C3orf20: variants seen among roughly 807,000 people sequenced by gnomAD.
C3orf20 encodes the protein uncharacterized protein C3orf20.
A neutral mutation model predicts 88.3 loss-of-function variants in C3orf20; 76 were observed. The observed-to-expected ratio is 0.86, with a 90% CI of 0.72 to 1.04. The LOEUF is 1.04. Among genes scored for constraint, C3orf20 ranks in the 50% least tolerant of loss-of-function variants. The probability of loss-of-function intolerance (pLI) is 0.00; values close to 1 mark genes in which losing one functional copy is unlikely to be tolerated. For synonymous variants in C3orf20, 436 were observed against 437.4 expected (o/e 1.00, Z 0.04); for missense variants, 1,056 against 1,123.3 (o/e 0.94, Z 0.86).
Position 14,772,826 on chromosome 3 carries a change from G to C in C3orf20, c.2666G>C (p.Ser889Thr). The change falls in exon 17 of 17, where the codon AGC (serine) becomes ACC (threonine). Residue 889 changes from serine to threonine, a missense_variant. Coordinates refer to ENST00000253697, the MANE Select transcript of C3orf20 (RefSeq NM_032137.5). The surrounding 1 kb of genome is among the most constrained non-coding windows in gnomAD (Gnocchi z 4.2). The stretch of plus-strand genomic sequence containing the variant: ...CCTGAAGTGGAGCTACATCCTCTCA[G>C]CAGGGACAGCAAGATAACTAGTTGG... ...REPEVELHPLSRDSKITSWKK... is the reference protein window; with the variant it reads ...REPEVELHPLTRDSKITSWKK... The C allele has an allele frequency of 6.2e-7, 1 of 1,614,112 alleles. No homozygotes were observed. The highest frequency in any genetic ancestry group is 8.5e-7 in the Non-Finnish European group (1 of 1,179,986).
chr3:14,697,538 TC>T (rs1242374044), intron 5 of C3orf20, among the ~76,000 whole-genome samples: 2 of 152,070 alleles, frequency 1.3e-5, no homozygotes, highest in African/African-American at 4.8e-5. Flanking sequence ...TATTTCAGTC[TC>T]TTTTTTAAAT....
At chr3:14,711,137 A>T (rs547264146) in intron 7 of C3orf20, among the ~76,000 whole-genome samples, 24 of 152,196 alleles carry the variant, frequency 1.6e-4, no homozygotes, top group African/African-American at 4.3e-4. Flanking sequence ...AACTCAGGTG[A>T]TCCATCCGCC....
At chr3:14,757,792 T>A (rs2035425773) in intron 13 of C3orf20, 118 bp downstream of exon 13, 4 of 858,766 alleles carry the variant, frequency 4.7e-6, no homozygotes, top group Non-Finnish European at 7.0e-6. Flanking sequence ...GCCACCCTCC[T>A]TCAGCTCCTT....
At chr3:14,724,591 A>C (rs1200008953) in intron 10 of C3orf20, among the ~76,000 whole-genome samples, 1 of 152,242 alleles carries the variant, frequency 6.6e-6, no homozygotes, top group Non-Finnish European at 1.5e-5. Flanking sequence ...TGGGCTCTGC[A>C]TGGAAACACA....
intron 1 of C3orf20, among the ~76,000 whole-genome samples, chr3:14,675,751 G>T (rs374859585): frequency 6.6e-6 from 1 of 151,864 alleles, no homozygotes; most frequent in East Asian, 1.9e-4. Context: ...GCCTAGGCTG[G>T]AGTGCAGTGG....
chr3:14,682,606 C>A lies in C3orf20; in HGVS notation c.-108C>A. The A allele has an allele frequency of 5.0e-6, 7 of 1,402,056 alleles. No individual in the cohort carries two copies. Among genetic ancestry groups the A allele is most frequent in the Non-Finnish European group, 6.7e-6 (7 of 1,041,410 alleles). The allele number at this position is 1,402,056 out of a possible 1,614,324, so 86.9% of individuals were successfully genotyped here. On this transcript the variant is annotated 5_prime_UTR_variant, in exon 3 of 17. Coordinates refer to ENST00000253697, the MANE Select transcript of C3orf20 (RefSeq NM_032137.5). ...CCACTGGCTCAATGACCTGTAAGGG[C>A]CGTTTCAGCACATCCATTCTGTCCA... is the stretch of plus-strand genomic sequence containing the variant.
chr3:14,756,490 A>T (rs2035376541), intron 12 of C3orf20, among the ~76,000 whole-genome samples: 1 of 152,208 alleles, frequency 6.6e-6, no homozygotes, highest in Admixed American at 6.5e-5. Context: ...TTTAAAAGTA[A>T]AAGATATGTT....
At chr3:14,707,779 C>T (rs144273084) in intron 7 of C3orf20, among the ~76,000 whole-genome samples, 66 of 150,100 alleles carry the variant, frequency 4.4e-4, no homozygotes, top group African/African-American at 1.4e-3. Context: ...AAAAAACCAT[C>T]GCCAAATCCA....
chr3:14,680,483 A>AT (rs2032029568), intron 1 of C3orf20, among the ~76,000 whole-genome samples: 1 of 152,166 alleles, frequency 6.6e-6, no homozygotes, highest in African/African-American at 2.4e-5. Context: ...AACTAGACGA[A>AT]TGGTTGCCTG....
chr3:14,712,518 T>C (rs9840023), intron 7 of C3orf20, among the ~76,000 whole-genome samples: 130,492 of 152,160 alleles, frequency 0.86, 56,070 homozygotes, highest in Non-Finnish European at 0.89. Context: ...AATAACTTAG[T>C]CACAATAATA....
At position 14,768,989 on chromosome 3, in the gene C3orf20, G is replaced by C. The variant is rs1311686246; in HGVS notation, c.2496-3078G>C. Among the ~76,000 whole-genome samples, 1 of 152,086 alleles carries C rather than the reference G, an allele frequency of 6.6e-6. No individual in the cohort carries two copies. Among genetic ancestry groups the C allele is most frequent in the African/African-American group, 2.4e-5 (1 of 41,342 alleles). ...TTCCTGTCACCCCAGCAGGACAGCT[G>C]TGTGGCTCTGCTGGCCTAGTCGTTC... On this transcript the variant is annotated intron_variant, in intron 15 of 16. Coordinates refer to ENST00000253697, the MANE Select transcript of C3orf20 (RefSeq NM_032137.5). This position sits in a 1 kb window ranked among gnomAD's most constrained non-coding sequence, Gnocchi z 4.1.
Position 14,757,381 on chromosome 3 carries a change from C to G in C3orf20, c.1951C>G (p.Arg651Gly). ...KAKVTSRGKA[R>G]EGRSPTRWAA... ...TGCTCCTCCTTGCAGAGGGAAGGCC[C>G]GCGAGGGGCGCAGCCCCACCAGGTG... Residue 651 changes from arginine (R) to glycine (G), a missense_variant, in exon 13 of 17, where the codon CGC becomes GGC. Arg to Gly is a moderately radical substitution (Grantham distance 125). Transcript: ENST00000253697. The G allele has an allele frequency of 6.2e-7, 1 of 1,610,950 alleles. No homozygotes were observed. Among genetic ancestry groups the G allele is most frequent in the Non-Finnish European group, 8.5e-7 (1 of 1,179,384 alleles).
chr3:14,682,980 C>CA lies in C3orf20; in HGVS notation c.268dup (p.Thr90AsnfsTer163), dbSNP rs754868866. 6.2e-7 allele frequency: 1 copy of CA among 1,613,884 alleles called. No individual in the cohort carries two copies. ...TGGAACCCACCTTTGTGCAGGTCCC[C>CA]ACACTGAAGAAGCCACTACCTCCAC... On this transcript the variant is annotated frameshift_variant, in exon 3 of 17. Transcript: ENST00000253697. LOFTEE classifies it high-confidence loss of function.
intron 1 of C3orf20, among the ~76,000 whole-genome samples, chr3:14,677,439 TG>T: frequency 6.6e-6 from 1 of 152,318 alleles, no homozygotes; most frequent in South Asian, 2.1e-4. Flanking sequence ...GGCAGTTTGC[TG>T]GGTCTGTGCC....
intron 12 of C3orf20, among the ~76,000 whole-genome samples, chr3:14,736,402 T>C (rs1450707263): frequency 6.6e-6 from 1 of 152,086 alleles, no homozygotes; most frequent in Non-Finnish European, 1.5e-5. Context: ...GCGATTATCC[T>C]GCTTCAGCCT....
intron 5 of C3orf20, among the ~76,000 whole-genome samples, chr3:14,693,234 G>A (rs912548519): frequency 2.6e-5 from 4 of 152,014 alleles, no homozygotes; most frequent in African/African-American, 9.7e-5. Context: ...TAAACTTTAG[G>A]AATGATTTTT....
At chr3:14,717,517 T>G (rs756133118) in intron 9 of C3orf20, among the ~76,000 whole-genome samples, 1 of 152,166 alleles carries the variant, frequency 6.6e-6, no homozygotes, top group Non-Finnish European at 1.5e-5. Context: ...TCACAAGTGC[T>G]TCTTGTAAAA....
At chr3:14,691,823 A>G (rs1057291968) in intron 5 of C3orf20, among the ~76,000 whole-genome samples, 5 of 152,102 alleles carry the variant, frequency 3.3e-5, no homozygotes, top group African/African-American at 1.2e-4. Context: ...GACTGTAATC[A>G]CCCTGTGTGC....
chr3:14,723,248 C>T (rs2034228491), intron 10 of C3orf20, among the ~76,000 whole-genome samples: 1 of 152,212 alleles, frequency 6.6e-6, no homozygotes, highest in African/African-American at 2.4e-5. Context: ...TGGCAGAGCC[C>T]AGCAAGGGCA....
Sources: allele counts gnomAD v4.1 joint callset (sites outside exome capture counted in the v4.1 genomes callset), GRCh38; gene constraint gnomAD v4.1.1; non-coding constraint Gnocchi (gnomAD v3.1); transcripts MANE v1.5; gene names NCBI Gene and HGNC (gene_info 2026-07-23, HGNC 2026-07-21).